TBC1D12: variants seen among roughly 807,000 people sequenced by gnomAD.
TBC1D12 encodes TBC1 domain family member 12.
A neutral mutation model predicts 86.7 loss-of-function variants in TBC1D12; 56 were observed. The observed-to-expected ratio is 0.65, with a 90% CI of 0.52 to 0.81. TBC1D12 has a LOEUF of 0.81. Among genes scored for constraint, TBC1D12 ranks in the 30% least tolerant of loss-of-function variants. TBC1D12 has a pLI of 0.00. For synonymous variants in TBC1D12, 421 were observed against 411.7 expected (o/e 1.02, Z -0.27); for missense variants, 1,023 against 1,038.8 (o/e 0.98, Z 0.21).
At chr10:94,460,979 T>A (rs1011089867) in intron 2 of TBC1D12, among the ~76,000 whole-genome samples, 1 of 152,240 alleles carries the variant, frequency 6.6e-6, no homozygotes, top group Non-Finnish European at 1.5e-5. Context: ...TTGCATGTTG[T>A]CTACTTTTTC....
At chr10:94,443,802 C>T (rs1345016769) in intron 2 of TBC1D12, among the ~76,000 whole-genome samples, 2 of 152,148 alleles carry the variant, frequency 1.3e-5, no homozygotes, top group Non-Finnish European at 2.9e-5. Context: ...TATGTCTAAT[C>T]TGATTTTAAG....
In TBC1D12 at chr10:94,440,918, C is replaced by T. The variant is rs145405979; in HGVS notation, c.972-978C>T. Among the ~76,000 whole-genome samples, 199 of 152,286 alleles carry T rather than the reference C, an allele frequency of 1.3e-3. 1 individual carries two copies. The highest frequency in any genetic ancestry group is 2.1e-3 in the Non-Finnish European group (142 of 68,024). ...GACGCGGAGTGCAATGAGGCGGTCT[C>T]GGCTCACTGCAACCTCCGCCTCTAG... On this transcript the variant is annotated intron_variant, in intron 1 of 12. Transcript: ENST00000225235.
intron 1 of TBC1D12, among the ~76,000 whole-genome samples, chr10:94,430,612 AG>A (rs1287280058): frequency 6.6e-6 from 1 of 152,216 alleles, no homozygotes; most frequent in Non-Finnish European, 1.5e-5. Flanking sequence ...GTGTGATAAA[AG>A]AAATGAAGAA....
In TBC1D12 at chr10:94,531,276, G is replaced by A. The variant is rs1450112148; in HGVS notation, c.2075G>A (p.Gly692Glu). Residue 692 changes from glycine to glutamate, a missense_variant, in exon 12 of 13, where the codon GGG becomes GAG. By Grantham distance (98) the Gly-to-Glu change is moderately conservative. Transcript: ENST00000225235. ...CRVWDVFCRD[G>E]EEFLFRTGLG... ...GTCTGGGATGTATTTTGCAGAGATG[G>A]GGAAGAATTTTTATTTAGGACTGGA... 21 of 1,613,910 alleles carry A rather than the reference G, an allele frequency of 1.3e-5. No individual in the cohort carries two copies. Among genetic ancestry groups the A allele is most frequent in the Non-Finnish European group, 1.8e-5 (21 of 1,180,006 alleles).
At position 94,505,457 on chromosome 10, in the gene TBC1D12, G is replaced by A. The variant is rs548256952; in HGVS notation, c.1520-1810G>A. 1.8e-4 allele frequency among the ~76,000 whole-genome samples: 28 copies of A among 152,300 alleles called. No homozygotes were observed. The South Asian group carries it at 5.2e-3, about 28-fold the overall frequency. ...TAACTGGATGTGTTGGTGCATGCCA[G>A]TAATCCCAGCTACTCAGAAGGCTGA... On this transcript the variant is annotated intron_variant, in intron 6 of 12. Coordinates refer to ENST00000225235, the MANE Select transcript of TBC1D12 (RefSeq NM_015188.2).
At chr10:94,504,570 A>G (rs1240660022) in intron 6 of TBC1D12, among the ~76,000 whole-genome samples, 1 of 152,150 alleles carries the variant, frequency 6.6e-6, no homozygotes, top group African/African-American at 2.4e-5. Flanking sequence ...TAGTCATGAA[A>G]TTTATAATCA....
intron 2 of TBC1D12, among the ~76,000 whole-genome samples, chr10:94,460,767 C>CT (rs1017727303): frequency 2.0e-5 from 3 of 151,886 alleles, no homozygotes; most frequent in Non-Finnish European, 4.4e-5. Flanking sequence ...ATATTCTGTA[C>CT]TTTTTTTCCC....
chr10:94,497,515 CTTTTTTTT>C (rs34789814), intron 5 of TBC1D12, among the ~76,000 whole-genome samples: 4 of 98,094 alleles, frequency 4.1e-5, no homozygotes, highest in African/African-American at 4.4e-5. Context: ...TCTGCTAAAT[CTTTTTTTT>C]TTTTTTTTTT....
chr10:94,473,910 A>G (rs1450865327), intron 2 of TBC1D12, among the ~76,000 whole-genome samples: 1 of 152,232 alleles, frequency 6.6e-6, no homozygotes, highest in Non-Finnish European at 1.5e-5. Context: ...GAAGAATACT[A>G]TAGTAAGTTT....
intron 1 of TBC1D12, among the ~76,000 whole-genome samples, chr10:94,409,977 A>G (rs900708634): frequency 6.6e-6 from 1 of 152,082 alleles, no homozygotes; most frequent in East Asian, 1.9e-4. Context: ...TAAACTTCAC[A>G]TTTTATTCAT....
intron 1 of TBC1D12, among the ~76,000 whole-genome samples, chr10:94,428,905 A>G (rs373070374): frequency 9.1e-4 from 138 of 151,994 alleles, no homozygotes; most frequent in African/African-American, 3.1e-3. Context: ...GGGTTTCGCT[A>G]TGTTGCCCAG....
chr10:94,503,604 T>C (rs780339461), intron 6 of TBC1D12, among the ~76,000 whole-genome samples: 8 of 152,078 alleles, frequency 5.3e-5, no homozygotes, highest in Non-Finnish European at 8.8e-5. Flanking sequence ...AATAAACATA[T>C]TATTTTATTT....
At chr10:94,507,131 C>T in intron 6 of TBC1D12, 136 bp from the exon 7 acceptor site, 1 of 758,310 alleles carries the variant, frequency 1.3e-6, no homozygotes, top group Non-Finnish European at 2.2e-6. Flanking sequence ...GAATCAAGTA[C>T]TTAGATTTGC....
At chr10:94,471,088 C>A (rs145703018) in intron 2 of TBC1D12, among the ~76,000 whole-genome samples, 1,912 of 152,098 alleles carry the variant, frequency 0.013, 23 homozygotes, top group Non-Finnish European at 0.018. Context: ...CCAGCCTGGC[C>A]AGCATGGTGA....
intron 2 of TBC1D12, among the ~76,000 whole-genome samples, chr10:94,472,060 G>C (rs978002076): frequency 1.1e-4 from 16 of 152,096 alleles, no homozygotes; most frequent in African/African-American, 3.6e-4. Flanking sequence ...TTGTCAGTCT[G>C]ATCTACCCCG....
At chr10:94,500,069 A>G (rs1157893497) in intron 5 of TBC1D12, 152 bp from the exon 6 acceptor site, 1 of 621,848 alleles carries the variant, frequency 1.6e-6, no homozygotes, top group Non-Finnish European at 2.6e-6. Context: ...GCAAGCATGA[A>G]CGCAAAGAAA....
rs1419914811 is a variant in TBC1D12, at chr10:94,525,970, C to G, written c.2000+3517C>G. On this transcript the variant is annotated intron_variant, in intron 11 of 12. Coordinates refer to ENST00000225235, the MANE Select transcript of TBC1D12 (RefSeq NM_015188.2). ...GTTAGGAACATTCAGTATAGTTGTC[C>G]TATTTGAAACCATATGTTAACTATA... Among the ~76,000 whole-genome samples the G allele has an allele frequency of 2.6e-5, 4 of 152,130 alleles. No individual in the cohort carries two copies. The East Asian group carries it at 7.7e-4, about 29-fold the overall frequency.
chr10:94,484,860 G>A (rs1489270482), intron 3 of TBC1D12, among the ~76,000 whole-genome samples: 2 of 152,020 alleles, frequency 1.3e-5, no homozygotes, highest in Admixed American at 6.6e-5. Flanking sequence ...AATTTTATTT[G>A]TGGCTATTAT....
intron 1 of TBC1D12, among the ~76,000 whole-genome samples, chr10:94,439,614 C>G (rs140023606): frequency 8.6e-4 from 131 of 152,298 alleles, no homozygotes; most frequent in African/African-American, 2.9e-3. Flanking sequence ...CACTTCTACC[C>G]GATCCACTCT....
Sources: allele counts gnomAD v4.1 joint callset (sites outside exome capture counted in the v4.1 genomes callset), GRCh38; gene constraint gnomAD v4.1.1; transcripts MANE v1.5; gene names NCBI Gene and HGNC (gene_info 2026-07-23, HGNC 2026-07-21).